The following ALDH6A1 variants were observed in gnomAD, a reference collection of about 807,000 sequenced individuals.
ALDH6A1 encodes the protein aldehyde dehydrogenase 6 family member A1.
In ALDH6A1, 43 loss-of-function variants were observed where a neutral mutation model predicts 62.6. The ratio of observed to expected loss-of-function variants is 0.69; its 90% CI spans 0.54 to 0.89. The LOEUF (loss-of-function observed/expected upper bound fraction) is 0.89, where lower values mean the gene tolerates loss of function less well. Ranked by LOEUF, ALDH6A1 falls within the 40% of genes least tolerant of loss-of-function variation. The pLI, the probability that ALDH6A1 is intolerant of heterozygous loss-of-function variation, is 0.00. For missense variants in ALDH6A1, 551 were observed against 661.3 expected (o/e 0.83, Z 1.83); for synonymous variants, 194 against 234.2 (o/e 0.83, Z 1.57).
intron 11 of ALDH6A1, among the ~76,000 whole-genome samples, chr14:74,062,020 G>C (rs2060353212): frequency 7.6e-6 from 1 of 130,796 alleles, no homozygotes; most frequent in Admixed American, 8.7e-5. Context: ...GACCAGCCTG[G>C]CCCAACATGG....
intron 7 of ALDH6A1, among the ~76,000 whole-genome samples, chr14:74,068,331 A>G (rs974390583): frequency 1.3e-5 from 2 of 151,912 alleles, no homozygotes; most frequent in African/African-American, 4.8e-5. Flanking sequence ...GTGAGCTGAG[A>G]TGGCACCACT....
In ALDH6A1 at chr14:74,057,504, G is replaced by A; in HGVS notation, c.*3138C>T. On this transcript the variant is annotated 3_prime_UTR_variant, in exon 12 of 12. Transcript: ENST00000553458. ...AGAAACCTATAGGTTGCCTTTTGAA[G>A]TAAACAGCCTAGCCAAAATGTGTAC... 1 of 1,387,208 alleles carries A rather than the reference G, an allele frequency of 7.2e-7. No homozygotes were observed. Among genetic ancestry groups the A allele is most frequent in the Non-Finnish European group, 9.4e-7 (1 of 1,068,110 alleles). The allele number at this position is 1,387,208 out of a possible 1,614,324, so 85.9% of individuals were successfully genotyped here.
At chr14:74,063,248 G>A (rs2060387099) in intron 11 of ALDH6A1, among the ~76,000 whole-genome samples, 1 of 151,142 alleles carries the variant, frequency 6.6e-6, no homozygotes, top group Non-Finnish European at 1.5e-5. Context: ...GTCCAGTGGT[G>A]CAATCTCGGC....
In ALDH6A1 at chr14:74,079,857, C is replaced by T. The variant is rs1398024571; in HGVS notation, c.48+4490G>A. On this transcript the variant is annotated intron_variant, in intron 1 of 11. Coordinates refer to ENST00000553458, the MANE Select transcript of ALDH6A1 (RefSeq NM_005589.4). ...GTTCTGGGATGACAGGTGTGAGCCA[C>T]GACATGTGACCTCTACGGATAATTT... Among the ~76,000 whole-genome samples the T allele has an allele frequency of 5.3e-5, 8 of 152,192 alleles. No homozygotes were observed. In the South Asian group the frequency reaches 8.3e-4, roughly 16 times the overall value.
Position 74,072,235 on chromosome 14 carries a change from G to T in ALDH6A1, c.316C>A (p.Leu106Ile), listed in dbSNP as rs150741770. The change falls in exon 4 of 12, where the codon CTC (leucine) becomes ATC (isoleucine). Residue 106 changes from leucine (L) to isoleucine (I), a missense_variant. By Grantham distance (5) the Leu-to-Ile change is conservative. Transcript: ENST00000553458. ...TSVLSRQQVL[L>I]RYQQLIKENL... Reference sequence around the variant, plus strand: ...TCTTTAATAAGTTGTTGATAGCGGAGCAAGACCTGCTGGCGGCTTAATACT... The same window carrying T: ...TCTTTAATAAGTTGTTGATAGCGGATCAAGACCTGCTGGCGGCTTAATACT... The T allele has an allele frequency of 1.2e-6, 2 of 1,614,120 alleles. No homozygotes were observed. Among genetic ancestry groups the T allele is most frequent in the African/African-American group, 2.7e-5 (2 of 74,948 alleles).
At chr14:74,068,350 G>T (rs1047150064) in intron 7 of ALDH6A1, among the ~76,000 whole-genome samples, 3 of 151,526 alleles carry the variant, frequency 2.0e-5, no homozygotes, top group African/African-American at 7.3e-5. Context: ...CTGCACTCTA[G>T]CCTGGGTGAC....
chr14:74,077,806 T>A (rs1159342957), intron 1 of ALDH6A1, among the ~76,000 whole-genome samples: 5 of 152,192 alleles, frequency 3.3e-5, no homozygotes, highest in African/African-American at 9.7e-5. Flanking sequence ...CTGTTACCCA[T>A]AAAGACTGTC....
Position 74,065,262 on chromosome 14 carries a change from G to T in ALDH6A1, c.1323C>A (p.Asn441Lys). 1 of 1,614,096 alleles carries T rather than the reference G, an allele frequency of 6.2e-7. No individual in the cohort carries two copies. Among genetic ancestry groups the T allele is most frequent in the African/African-American group, 1.3e-5 (1 of 75,032 alleles). The change falls in exon 10 of 12, where the codon AAC (asparagine) becomes AAA (lysine). Residue 441 changes from asparagine (N) to lysine (K), a missense_variant. By Grantham distance (94) the Asn-to-Lys change is moderately conservative. Transcript: ENST00000553458. ...LDEAIQIVNN[N>K]PYGNGTAIFT... ...AGATGGCAGTTCCATTTCCATATGGGTTGTTATTTACAATCTGGATGGCTT... is the reference window on the plus strand; with the variant it reads ...AGATGGCAGTTCCATTTCCATATGGTTTGTTATTTACAATCTGGATGGCTT...
intron 6 of ALDH6A1, 198 bp downstream of exon 6, chr14:74,070,997 G>A (rs2060541560): frequency 8.0e-6 from 5 of 627,118 alleles, no homozygotes; most frequent in South Asian, 1.8e-5. Context: ...TATACTGTAG[G>A]GCAACAAGCA....
At chr14:74,077,032 G>GA (rs2060620553) in intron 1 of ALDH6A1, among the ~76,000 whole-genome samples, 1 of 152,170 alleles carries the variant, frequency 6.6e-6, no homozygotes, top group African/African-American at 2.4e-5. Context: ...CACTGCCCAG[G>GA]AAAAGGTGGT....
At chr14:74,068,739 C>CA (rs1338917208) in intron 7 of ALDH6A1, 121 bp downstream of exon 7, 98 of 1,237,944 alleles carry the variant, frequency 7.9e-5, no homozygotes, top group Non-Finnish European at 9.3e-5. Flanking sequence ...GACTCTGTCT[C>CA]AAAAAAAAGA....
In ALDH6A1 at chr14:74,060,271, A is replaced by G. The variant is rs1217334956; in HGVS notation, c.*371T>C. The G allele has an allele frequency of 4.4e-6, 1 of 226,290 alleles. No homozygotes were observed. The highest frequency in any genetic ancestry group is 8.9e-6 in the Non-Finnish European group (1 of 111,824). 14.0% of individuals were successfully genotyped at this position (226,290 alleles called of 1,614,324 possible). On this transcript the variant is annotated 3_prime_UTR_variant, in exon 12 of 12. Coordinates refer to ENST00000553458, the MANE Select transcript of ALDH6A1 (RefSeq NM_005589.4). ...CACTGTGGCCTCCCAAAATGATGGA[A>G]TTACAGGCGTGAGCCACCGCGCCTG...
intron 1 of ALDH6A1, among the ~76,000 whole-genome samples, chr14:74,079,099 T>C (rs956472813): frequency 6.6e-6 from 1 of 151,836 alleles, no homozygotes; most frequent in African/African-American, 2.4e-5. Context: ...AACTCTTTAG[T>C]CCTTGGCCAG....
At chr14:74,082,140 G>C (rs556836219) in intron 1 of ALDH6A1, among the ~76,000 whole-genome samples, 2 of 152,296 alleles carry the variant, frequency 1.3e-5, no homozygotes, top group East Asian at 3.9e-4. Context: ...GGGAGGTCGA[G>C]GCTGCTGTGA....
chr14:74,063,828 C>T (rs1342571655), intron 11 of ALDH6A1, among the ~76,000 whole-genome samples: 6 of 140,568 alleles, frequency 4.3e-5, no homozygotes, highest in East Asian at 2.3e-4. Context: ...ATTGTGCCAC[C>T]GCACCCCAGC....
At chr14:74,074,842 A>C in intron 2 of ALDH6A1, 113 bp downstream of exon 2, 3 of 1,132,938 alleles carry the variant, frequency 2.6e-6, no homozygotes, top group South Asian at 2.7e-5. Context: ...AAGGAGGAAA[A>C]AACTAGAAAG....
chr14:74,059,010 G>C lies in ALDH6A1; in HGVS notation c.*1632C>G, dbSNP rs928410913. ...GAGGCAGGAGAATTGCTTGAACCCG[G>C]GAGGCAGAGGTTGCAGTGAGCCAAG... is the stretch of plus-strand genomic sequence containing the variant. On this transcript the variant is annotated 3_prime_UTR_variant, in exon 12 of 12. Coordinates refer to ENST00000553458, the MANE Select transcript of ALDH6A1 (RefSeq NM_005589.4). 6 of 155,290 alleles carry C rather than the reference G, an allele frequency of 3.9e-5. No individual in the cohort carries two copies. The highest frequency in any genetic ancestry group is 1.5e-4 in the African/African-American group (6 of 40,978). 9.6% of individuals were successfully genotyped at this position (155,290 alleles called of 1,614,324 possible).
At chr14:74,064,460 T>TTGGAGGAGATTTTC (rs2060426041) in intron 11 of ALDH6A1, among the ~76,000 whole-genome samples, 1 of 151,788 alleles carries the variant, frequency 6.6e-6, no homozygotes, top group Non-Finnish European at 1.5e-5. Context: ...GTGGTGGTAG[T>TTGGAGGAGATTTTC]TGGAGGAGAT....
At chr14:74,068,783 C>T (rs1441695666) in intron 7 of ALDH6A1, 77 bp downstream of exon 7, 3 of 1,535,658 alleles carry the variant, frequency 2.0e-6, no homozygotes, top group East Asian at 4.5e-5. Context: ...GATGAGTGGC[C>T]TCTCTGCTGA....
Sources: allele counts gnomAD v4.1 joint callset (sites outside exome capture counted in the v4.1 genomes callset), GRCh38; gene constraint gnomAD v4.1.1; transcripts MANE v1.5; gene names NCBI Gene and HGNC (gene_info 2026-07-23, HGNC 2026-07-21).